SMG1: variants seen among roughly 807,000 people sequenced by gnomAD.
The protein encoded by SMG1 is serine/threonine-protein kinase SMG1.
SMG1 carries 22 observed loss-of-function variants against 419.9 expected under a neutral mutation model. That is an observed-to-expected ratio of 0.05 (90% CI 0.04 to 0.07). SMG1 has a LOEUF of 0.07. Ranked by LOEUF, SMG1 falls within the 10% of genes least tolerant of loss-of-function variation. The pLI, the probability that SMG1 is intolerant of heterozygous loss-of-function variation, is 1.00. For synonymous variants in SMG1, 1,538 were observed against 1,553.5 expected, an observed-to-expected ratio of 0.99 and a Z score of 0.23; for missense variants, 3,185 against 4,342.0, an observed-to-expected ratio of 0.73 and a Z score of 7.49.
intron 1 of SMG1, among the ~76,000 whole-genome samples, chr16:18,909,565 G>A (rs1315725366): frequency 6.6e-6 from 1 of 152,004 alleles, no homozygotes; most frequent in African/African-American, 2.4e-5. Context: ...AACACAGCAA[G>A]ACCTCCAACT....
chr16:18,816,378 T>C lies in SMG1; in HGVS notation c.10226A>G (p.Asp3409Gly). ...ACCAGTGAGCACAGTCTTTATATTA[T>C]CAACCAGATTCTGAATTGTTTCACA... ...TVCETIQNLV[D>G]NIKTVLTGHN... The change falls in exon 58 of 63, where the codon GAT becomes GGT. Residue 3409 changes from aspartate (D) to glycine (G), a missense_variant. Around this residue, in one of 27 missense-constraint regions of SMG1, gnomAD observed 737 missense variants for 846.6 expected, o/e 0.87. Transcript: ENST00000446231. 1 of 1,613,972 alleles carries C rather than the reference T, an allele frequency of 6.2e-7. No homozygotes were observed. Among genetic ancestry groups the C allele is most frequent in the Non-Finnish European group, 8.5e-7 (1 of 1,179,870 alleles).
chr16:18,821,217 G>GTTTTTTTTTTTTTTTTTTTTTTTT (rs2032501770), intron 55 of SMG1, among the ~76,000 whole-genome samples: 3 of 31,734 alleles, frequency 9.5e-5, no homozygotes, highest in African/African-American at 3.2e-4. Context: ...TATTTAGTAT[G>GTTTTTTTTTTTTTTTTTTTTTTTT]TTTCTTTTTT....
chr16:18,812,854 G>A (rs1443128312), intron 60 of SMG1, among the ~76,000 whole-genome samples: 1 of 152,034 alleles, frequency 6.6e-6, no homozygotes, highest in Non-Finnish European at 1.5e-5. Context: ...GGTGTGAGAT[G>A]TTCCCCTTCC....
At chr16:18,819,835 G>A (rs955366497) in intron 55 of SMG1, among the ~76,000 whole-genome samples, 181 bp from the exon 56 acceptor site, 4 of 152,114 alleles carry the variant, frequency 2.6e-5, no homozygotes, top group African/African-American at 9.7e-5. Flanking sequence ...GAACATTTAA[G>A]GCCAAACATG....
rs1014945811 is a variant in SMG1 at position 18,805,777 on chromosome 16, T to C, written c.*3792A>G. The stretch of plus-strand genomic sequence containing the variant: ...GGGAAAAGTCCTAGTTTTAAATTGC[T>C]GGCATTTTACAAGCTCAACAAGATA... On this transcript the variant is annotated 3_prime_UTR_variant, in exon 63 of 63. Coordinates refer to ENST00000446231, the MANE Select transcript of SMG1 (RefSeq NM_015092.5). 6.6e-5 allele frequency: 10 copies of C among 152,352 alleles called. No individual in the cohort carries two copies. The highest frequency in any genetic ancestry group is 2.4e-4 in the African/African-American group (10 of 41,594). 9.4% of individuals were successfully genotyped at this position (152,352 alleles called of 1,614,324 possible). A position where few individuals can be genotyped will look rare whatever the true frequency, so the allele number is the denominator to read the frequency against.
intron 56 of SMG1, among the ~76,000 whole-genome samples, chr16:18,817,968 T>TA (rs2032160886): frequency 6.6e-6 from 1 of 151,972 alleles, no homozygotes; most frequent in Admixed American, 6.6e-5. Context: ...GTGGCTTAAT[T>TA]ATGGCTCACT....
In SMG1 at chr16:18,869,920, G is replaced by T. The variant is rs2035724049; in HGVS notation, c.2567C>A (p.Thr856Lys). The change falls in exon 19 of 63, where the codon ACA (threonine) becomes AAA (lysine). Residue 856 changes from threonine (T) to lysine (K), a missense_variant. By Grantham distance (78) the Thr-to-Lys change is moderately conservative. Coordinates refer to ENST00000446231, the MANE Select transcript of SMG1 (RefSeq NM_015092.5). Reference sequence around the variant, plus strand: ...ATCAGAGAAATCTTGGGGGTGGAATGTATTACTTGGTGCTTTACTCATGTG... The same window carrying T: ...ATCAGAGAAATCTTGGGGGTGGAATTTATTACTTGGTGCTTTACTCATGTG... ...RSHMSKAPSN[T>K]FHPQDFSDVI... 1 of 1,521,860 alleles carries T rather than the reference G, an allele frequency of 6.6e-7. No individual in the cohort carries two copies. Among genetic ancestry groups the T allele is most frequent in the Non-Finnish European group, 9.0e-7 (1 of 1,114,370 alleles). 94.3% of individuals were successfully genotyped at this position (1,521,860 alleles called of 1,614,324 possible).
At chr16:18,832,567 C>G (rs188438483) in intron 51 of SMG1, among the ~76,000 whole-genome samples, 47 of 142,212 alleles carry the variant, frequency 3.3e-4, no homozygotes, top group Admixed American at 5.9e-4. Context: ...ATGTATGTGA[C>G]CGAACTATAC....
chr16:18,915,810 T>C (rs1439793974), intron 1 of SMG1, among the ~76,000 whole-genome samples: 17 of 152,046 alleles, frequency 1.1e-4, no homozygotes, highest in Admixed American at 1.0e-3. Context: ...GGCTCACGCC[T>C]GTAATCCCAG....
chr16:18,850,493 C>T (rs374264740), intron 33 of SMG1, 26 bp from the exon 34 acceptor site: 2 of 1,512,290 alleles, frequency 1.3e-6, no homozygotes, highest in Non-Finnish European at 9.1e-7. Flanking sequence ...GCACAAAATG[C>T]TATTTTAAAT....
intron 1 of SMG1, among the ~76,000 whole-genome samples, chr16:18,902,585 A>T (rs1429377741): frequency 6.6e-6 from 1 of 152,024 alleles, no homozygotes. Flanking sequence ...CCATAGATCC[A>T]GCAACTCAGG....
chr16:18,853,878 CCA>C lies in SMG1; in HGVS notation c.4484-13_4484-12del, dbSNP rs1344613053. On this transcript the variant is annotated splice_polypyrimidine_tract_variant and intron_variant, in intron 30 of 62. Coordinates refer to ENST00000446231, the MANE Select transcript of SMG1 (RefSeq NM_015092.5). ...CATGTGTTGACTGGCCTACAGAAAACCACAAAGTCAGAACTTAGAACCTTTAA... is the reference window on the plus strand; with the variant it reads ...CATGTGTTGACTGGCCTACAGAAAACCAAAGTCAGAACTTAGAACCTTTAA... 3 of 1,598,108 alleles carry C rather than the reference CCA, an allele frequency of 1.9e-6. No homozygotes were observed. Among genetic ancestry groups the C allele is most frequent in the Non-Finnish European group, 2.6e-6 (3 of 1,170,838 alleles).
intron 53 of SMG1, 54 bp from the exon 54 acceptor site, chr16:18,829,809 GCTTA>G: frequency 4.7e-6 from 7 of 1,502,578 alleles, no homozygotes; most frequent in Non-Finnish European, 6.3e-6. Flanking sequence ...GTAATATGCT[GCTTA>G]TTTATAGTAT....
Position 18,853,791 on chromosome 16 carries a change from T to C in SMG1, c.4560A>G (p.Ala1520=), listed in dbSNP as rs1315059825. The C allele has an allele frequency of 1.2e-6, 2 of 1,613,702 alleles. No homozygotes were observed. The highest frequency in any genetic ancestry group is 1.3e-5 in the African/African-American group (1 of 74,936). Residue 1520 remains alanine (A), a synonymous_variant, in exon 31 of 63, where the codon GCA becomes GCG. Transcript: ENST00000446231. The part of the protein sequence containing the change: ...SFCKSVKAEY[A]VAKSILTLAK... ...CCAGTGTCAGAATTGATTTAGCAAC[T>C]GCATATTCAGCTTTCACAGACTTGC...
chr16:18,851,407 A>ACG (rs1240747018), intron 33 of SMG1, among the ~76,000 whole-genome samples: 10,052 of 151,918 alleles, frequency 0.066, 1,114 homozygotes, highest in African/African-American at 0.23. Context: ...ACACACACAC[A>ACG]CGCGCACGCG....
chr16:18,908,707 G>A (rs1190606727), intron 1 of SMG1, among the ~76,000 whole-genome samples: 4 of 151,264 alleles, frequency 2.6e-5, no homozygotes, highest in East Asian at 2.0e-4. Flanking sequence ...GTGAAACCCC[G>A]TCTCTACTAG....
At chr16:18,900,053 C>G in intron 1 of SMG1, 1 of 1,476,032 alleles carries the variant, frequency 6.8e-7, no homozygotes, top group Non-Finnish European at 9.1e-7. Flanking sequence ...ATCTGTAAGA[C>G]AGTAGTTACA....
intron 1 of SMG1, among the ~76,000 whole-genome samples, chr16:18,906,970 C>T (rs1339479747): frequency 4.6e-5 from 7 of 152,236 alleles, no homozygotes; most frequent in Admixed American, 6.5e-5. Context: ...GGAATGAGGT[C>T]GGCTGAGTGA....
chr16:18,815,469 G>A lies in SMG1; in HGVS notation c.10485C>T (p.Thr3495=). Residue 3495 remains threonine, a synonymous_variant, in exon 59 of 63, where the codon ACC becomes ACT. Transcript: ENST00000446231. ...GACTTTGTGTTTTCAGTTCTTTCAA[G>A]GTGGGAGTGATTTCCTGGAGCATTT... The part of the protein sequence containing the change: ...HVEMLQEITP[T]LKELKTQSQS... 6.2e-7 allele frequency: 1 copy of A among 1,613,962 alleles called. No individual in the cohort carries two copies. The highest frequency in any genetic ancestry group is 2.2e-5 in the East Asian group (1 of 44,872).
Sources: gnomAD v4.1 joint callset for allele counts (sites outside exome capture counted in the v4.1 genomes callset) on GRCh38, gnomAD v4.1.1 for gene constraint, gnomAD v4.1.1 regional missense constraint, MANE v1.5 for transcripts, NCBI Gene and HGNC (gene_info 2026-07-23, HGNC 2026-07-21) for gene names.